The following MN1 variants were observed in gnomAD, a reference collection of about 807,000 sequenced individuals.
MN1 encodes transcriptional activator MN1.
A neutral mutation model predicts 86.9 loss-of-function variants in MN1; 19 were observed. The ratio of observed to expected loss-of-function variants is 0.22; its 90% CI spans 0.15 to 0.32. MN1 has a LOEUF of 0.32. Among genes scored for constraint, MN1 ranks in the 10% least tolerant of loss-of-function variants. The pLI, the probability that MN1 is intolerant of heterozygous loss-of-function variation, is 1.00. For missense variants in MN1, 1,841 were observed against 1,862.0 expected (o/e 0.99, Z 0.21); for synonymous variants, 928 against 849.6 (o/e 1.09, Z -1.60).
Position 27,750,987 on chromosome 22 carries a change from G to A in MN1, c.3891C>T (p.Ser1297=), listed in dbSNP as rs1178901102. The A allele has an allele frequency of 8.1e-6, 13 of 1,613,042 alleles. No homozygotes were observed. The highest frequency in any genetic ancestry group is 2.2e-5 in the East Asian group (1 of 44,806). ...DDVGDAKARA[S]VPTWRSLHSD... is the part of the protein sequence containing the mutation. ...AATGCAGGGACCGCCAGGTGGGCACGGAGGCTCGAGCCTTGGCGTCACCCA... is the reference window on the plus strand; with the variant it reads ...AATGCAGGGACCGCCAGGTGGGCACAGAGGCTCGAGCCTTGGCGTCACCCA... The change falls in exon 2 of 2, where the codon TCC becomes TCT. Residue 1297 remains serine (S), a synonymous_variant. Coordinates refer to ENST00000302326, the MANE Select transcript of MN1 (RefSeq NM_002430.3).
At chr22:27,758,269 C>A (rs1932813715) in intron 1 of MN1, among the ~76,000 whole-genome samples, 1 of 152,202 alleles carries the variant, frequency 6.6e-6, no homozygotes, top group Non-Finnish European at 1.5e-5. Context: ...ATCCTTCCAC[C>A]TCCACACCTT....
chr22:27,800,644 G>A lies in MN1; in HGVS notation c.-101C>T. 1.9e-6 allele frequency: 3 copies of A among 1,559,004 alleles called. No homozygotes were observed. The highest frequency in any genetic ancestry group is 2.6e-6 in the Non-Finnish European group (3 of 1,155,890). Reference sequence around the variant, plus strand: ...GTTCCAGCCCAGGATTGGGCGCTCCGGGACGCTCAGCACCGCGGGGGCTCA... The same window carrying A: ...GTTCCAGCCCAGGATTGGGCGCTCCAGGACGCTCAGCACCGCGGGGGCTCA... On this transcript the variant is annotated 5_prime_UTR_variant, in exon 1 of 2. Transcript: ENST00000302326.
chr22:27,777,330 C>T (rs749114943), intron 1 of MN1, among the ~76,000 whole-genome samples: 2 of 151,830 alleles, frequency 1.3e-5, no homozygotes, highest in Non-Finnish European at 2.9e-5. Context: ...ACCAGGAGTT[C>T]AAGAGCAGCC....
chr22:27,781,991 T>G (rs1368319883), intron 1 of MN1, among the ~76,000 whole-genome samples: 2 of 152,114 alleles, frequency 1.3e-5, no homozygotes, highest in Non-Finnish European at 2.9e-5. Flanking sequence ...TATGGTTGAC[T>G]CGGGCTCCTG....
chr22:27,759,237 C>T (rs1439347074), intron 1 of MN1, among the ~76,000 whole-genome samples: 1 of 152,106 alleles, frequency 6.6e-6, no homozygotes, highest in Non-Finnish European at 1.5e-5. Context: ...TAGAACCCGT[C>T]TGCGGGGCCC....
chr22:27,782,756 T>C (rs946421620), intron 1 of MN1, among the ~76,000 whole-genome samples: 1 of 152,214 alleles, frequency 6.6e-6, no homozygotes, highest in African/African-American at 2.4e-5. Context: ...AGCCAGGAAC[T>C]GGAATTGCTG....
intron 1 of MN1, 131 bp downstream of exon 1, chr22:27,796,632 G>T: frequency 1.1e-6 from 1 of 894,834 alleles, no homozygotes; most frequent in Non-Finnish European, 1.7e-6. Flanking sequence ...GGGATAACCA[G>T]CTCCTAGTTG....
In MN1 at chr22:27,800,264, C is replaced by T. The variant is rs778311495; in HGVS notation, c.280G>A (p.Gly94Ser). The change falls in exon 1 of 2, where the codon GGC becomes AGC. Residue 94 changes from glycine (G) to serine (S), a missense_variant. Physicochemically the swap from Gly to Ser is moderately conservative, Grantham distance 56. Coordinates refer to ENST00000302326, the MANE Select transcript of MN1 (RefSeq NM_002430.3). The part of the protein sequence containing the change: ...QAQPVHGFFG[G>S]QQPHHGHPGS... The stretch of plus-strand genomic sequence containing the variant: ...GGGTGGCCGTGGTGAGGCTGCTGGC[C>T]GCCAAAGAAGCCGTGCACAGGCTGC... 6.3e-7 allele frequency: 1 copy of T among 1,583,384 alleles called. No individual in the cohort carries two copies. Among genetic ancestry groups the T allele is most frequent in the Non-Finnish European group, 8.6e-7 (1 of 1,165,662 alleles).
chr22:27,794,570 A>T (rs561758121), intron 1 of MN1, among the ~76,000 whole-genome samples: 3 of 152,354 alleles, frequency 2.0e-5, no homozygotes, highest in East Asian at 3.9e-4. Context: ...GTTTCTAAAA[A>T]ATATTTTCAT....
At chr22:27,763,280 C>A (rs1932846627) in intron 1 of MN1, among the ~76,000 whole-genome samples, 1 of 152,208 alleles carries the variant, frequency 6.6e-6, no homozygotes, top group South Asian at 2.1e-4. Context: ...CTCATCCCCC[C>A]CATCCATGGG....
chr22:27,768,417 CAG>C (rs1402656513), intron 1 of MN1, among the ~76,000 whole-genome samples: 1 of 152,196 alleles, frequency 6.6e-6, no homozygotes, highest in African/African-American at 2.4e-5. Flanking sequence ...AAAACTCCTG[CAG>C]AGGTGGTTTC....
intron 1 of MN1, among the ~76,000 whole-genome samples, chr22:27,761,132 C>T (rs910490028): frequency 1.7e-4 from 26 of 152,118 alleles, no homozygotes; most frequent in African/African-American, 6.0e-4. Flanking sequence ...AAGTGACTGG[C>T]ACGACCTCTC....
intron 1 of MN1, among the ~76,000 whole-genome samples, chr22:27,764,863 G>A (rs1299048509): frequency 6.6e-6 from 1 of 152,102 alleles, no homozygotes; most frequent in Non-Finnish European, 1.5e-5. Context: ...ACGCTGCTAG[G>A]GTCAGCCCAC....
intron 1 of MN1, among the ~76,000 whole-genome samples, chr22:27,758,961 G>T (rs577697365): frequency 1.0e-3 from 153 of 152,282 alleles, no homozygotes; most frequent in African/African-American, 3.6e-3. Context: ...AAGTAGCTGG[G>T]ACTACAGGCA....
intron 1 of MN1, among the ~76,000 whole-genome samples, chr22:27,770,588 G>T (rs1215012436): frequency 1.3e-5 from 2 of 152,196 alleles, no homozygotes; most frequent in Non-Finnish European, 2.9e-5. Context: ...AGAGTTTACA[G>T]ATACAAGCAT....
At chr22:27,759,786 G>A (rs1243166193) in intron 1 of MN1, among the ~76,000 whole-genome samples, 1 of 152,188 alleles carries the variant, frequency 6.6e-6, no homozygotes, top group East Asian at 1.9e-4. Flanking sequence ...TCTCAGCTCT[G>A]TCACCTTGCT....
At chr22:27,781,294 G>A (rs961158443) in intron 1 of MN1, among the ~76,000 whole-genome samples, 1 of 152,138 alleles carries the variant, frequency 6.6e-6, no homozygotes, top group African/African-American at 2.4e-5. Context: ...CAATCTTAGC[G>A]CTATTCACAT....
At position 27,799,665 on chromosome 22, in the gene MN1, C is replaced by A. The variant is rs1273530146; in HGVS notation, c.879G>T (p.Pro293=). 1.4e-5 allele frequency: 22 copies of A among 1,551,258 alleles called. No individual in the cohort carries two copies. The highest frequency in any genetic ancestry group is 1.9e-5 in the Non-Finnish European group (22 of 1,147,756). The part of the protein sequence containing the change: ...VGLSKMHAQP[P]QQQPQQQQQP... ...GCTGCTGCTGCTGGGGCTGCTGCTG[C>A]GGTGGCTGGGCGTGCATTTTGGACA... The change falls in exon 1 of 2, where the codon CCG becomes CCT. Residue 293 remains proline (P), a synonymous_variant. Coordinates refer to ENST00000302326, the MANE Select transcript of MN1 (RefSeq NM_002430.3).
At chr22:27,795,414 C>G (rs539168247) in intron 1 of MN1, among the ~76,000 whole-genome samples, 3 of 152,030 alleles carry the variant, frequency 2.0e-5, no homozygotes, top group Non-Finnish European at 4.4e-5. Flanking sequence ...AAAACCTACC[C>G]TCACCTTAAA....
Sources: allele counts gnomAD v4.1 joint callset (sites outside exome capture counted in the v4.1 genomes callset), GRCh38; gene constraint gnomAD v4.1.1; transcripts MANE v1.5; gene names NCBI Gene and HGNC (gene_info 2026-07-23, HGNC 2026-07-21).